WAC: variants seen among roughly 807,000 people sequenced by gnomAD.
The protein encoded by WAC is WW domain-containing adapter protein with coiled-coil.
In WAC, 11 loss-of-function variants were observed where a neutral mutation model predicts 79.6. The observed-to-expected ratio is 0.14, with a 90% CI of 0.09 to 0.23. The LOEUF is 0.23. Among genes scored for constraint, WAC ranks in the 10% least tolerant of loss-of-function variants. The probability of loss-of-function intolerance (pLI) is 1.00; values close to 1 mark genes in which losing one functional copy is unlikely to be tolerated. For missense variants in WAC, 728 were observed against 773.5 expected, an observed-to-expected ratio of 0.94 and a Z score of 0.70; for synonymous variants, 304 against 276.9, an observed-to-expected ratio of 1.10 and a Z score of -0.97.
intron 6 of WAC, chr10:28,591,107 C>T: frequency 3.0e-6 from 1 of 329,532 alleles, no homozygotes; most frequent in South Asian, 2.8e-5. Flanking sequence ...GATTGGTTTC[C>T]CCTGATCCCC....
intron 1 of WAC, 42 bp downstream of exon 1, chr10:28,533,662 CGGCGGCGGGGG>C (rs1251545988): frequency 6.8e-7 from 1 of 1,464,416 alleles, no homozygotes; most frequent in East Asian, 2.6e-5. Flanking sequence ...CGGCGGGGGG[CGGCGGCGGGGG>C]GGCTGTTCCT....
chr10:28,615,317 T>G (rs1322355886), intron 11 of WAC: 4 of 152,242 alleles, frequency 2.6e-5, no homozygotes, highest in Admixed American at 2.6e-4. Flanking sequence ...TATTGTTGTT[T>G]TCTAAACAAG....
rs12217564 is a variant in WAC at position 28,579,734 on chromosome 10, T to C, written c.275-3665T>C. Among the ~76,000 whole-genome samples, 555 of 152,282 alleles carry C rather than the reference T, an allele frequency of 3.6e-3. 19 individuals are homozygous for C. In the East Asian group the frequency reaches 0.041, roughly 11 times the overall value. On this transcript the variant is annotated intron_variant, in intron 3 of 13. Transcript: ENST00000354911. Reference sequence around the variant, plus strand: ...TGTATTACTTCAGTTTGGAAAGAGATACACGGAGAAAGTAAGAGGCTCAAA... The same window carrying C: ...TGTATTACTTCAGTTTGGAAAGAGACACACGGAGAAAGTAAGAGGCTCAAA...
chr10:28,565,634 C>A (rs922072828), intron 3 of WAC, among the ~76,000 whole-genome samples: 4 of 152,150 alleles, frequency 2.6e-5, no homozygotes, highest in African/African-American at 7.2e-5. Context: ...CTGTTTTTAT[C>A]TGTTGTCTTC....
intron 3 of WAC, among the ~76,000 whole-genome samples, chr10:28,549,472 G>C (rs1837544607): frequency 6.6e-6 from 1 of 152,072 alleles, no homozygotes; most frequent in Non-Finnish European, 1.5e-5. Flanking sequence ...GCTATTCCCT[G>C]TCCTGATTAA....
At chr10:28,617,105 C>T (rs565649520) in intron 12 of WAC, among the ~76,000 whole-genome samples, 1 of 152,104 alleles carries the variant, frequency 6.6e-6, no homozygotes. Context: ...AAAAACCCCA[C>T]TTAATTTTCT....
At position 28,609,128 on chromosome 10, in the gene WAC, G is replaced by A. The variant is rs116161386; in HGVS notation, c.1165+697G>A. 6.7e-3 allele frequency among the ~76,000 whole-genome samples: 1,024 copies of A among 152,296 alleles called. 11 individuals are homozygous for A. Among genetic ancestry groups the A allele is most frequent in the African/African-American group, 0.024 (989 of 41,550 alleles). On this transcript the variant is annotated intron_variant, in intron 8 of 13. Transcript: ENST00000354911. ...GTTGAAAATGATAAATTTTTAGGCC[G>A]AGGCGGGTGGATCACCTGAGGTCAG...
rs1282539110 is a variant in WAC, at chr10:28,557,493, C to A, written c.274+21736C>A. 3.9e-5 allele frequency among the ~76,000 whole-genome samples: 6 copies of A among 152,048 alleles called. No individual in the cohort carries two copies. The East Asian group carries it at 1.2e-3, about 30-fold the overall frequency. On this transcript the variant is annotated intron_variant, in intron 3 of 13. Coordinates refer to ENST00000354911, the MANE Select transcript of WAC (RefSeq NM_016628.5). ...GGAGGATCACCTGAAGTCAGGTGTT[C>A]AAGACCCACCTGAACATAGTGAGAC...
At chr10:28,540,972 ACG>A (rs755833326) in intron 3 of WAC, among the ~76,000 whole-genome samples, 4 of 152,120 alleles carry the variant, frequency 2.6e-5, no homozygotes, top group Admixed American at 6.5e-5. Context: ...CATTTGTCTT[ACG>A]CTTCTCATAA....
At chr10:28,591,315 G>A (rs1476998470) in intron 6 of WAC, 1 of 156,234 alleles carries the variant, frequency 6.4e-6, no homozygotes, top group Non-Finnish European at 1.4e-5. Flanking sequence ...ATTTCACCAT[G>A]ATCACAGATC....
chr10:28,579,861 A>T (rs962900379), intron 3 of WAC, among the ~76,000 whole-genome samples: 1 of 152,202 alleles, frequency 6.6e-6, no homozygotes, highest in East Asian at 1.9e-4. Flanking sequence ...TCAGGGGCAA[A>T]TCTGCACTAC....
At chr10:28,618,809 T>G (rs1841582893) in intron 13 of WAC, among the ~76,000 whole-genome samples, 1 of 152,240 alleles carries the variant, frequency 6.6e-6, no homozygotes, top group African/African-American at 2.4e-5. Flanking sequence ...AGAATTGCTC[T>G]TCTAAATGAT....
chr10:28,611,878 A>T lies in WAC; in HGVS notation c.1393A>T (p.Ile465Phe), dbSNP rs368043112. 6.2e-7 allele frequency: 1 copy of T among 1,614,174 alleles called. No homozygotes were observed. Among genetic ancestry groups the T allele is most frequent in the South Asian group, 1.1e-5 (1 of 91,090 alleles). ...ISTPQTNTVP[I>F]KPLISTPPVS... The stretch of plus-strand genomic sequence containing the variant: ...CACACCTCAAACTAACACAGTCCCT[A>T]TCAAACCTTTGATCAGTACTCCTCC... Residue 465 changes from isoleucine to phenylalanine, a missense_variant, in exon 10 of 14, where the codon ATC becomes TTC. By Grantham distance (21) the Ile-to-Phe change is conservative. Coordinates refer to ENST00000354911, the MANE Select transcript of WAC (RefSeq NM_016628.5).
At chr10:28,557,119 G>T (rs1838042280) in intron 3 of WAC, among the ~76,000 whole-genome samples, 1 of 151,808 alleles carries the variant, frequency 6.6e-6, no homozygotes, top group African/African-American at 2.4e-5. Context: ...ATAAGTCACG[G>T]TTATTTAAGT....
intron 7 of WAC, 87 bp downstream of exon 7, chr10:28,596,128 G>T (rs552736409): frequency 1.5e-6 from 2 of 1,361,680 alleles, no homozygotes; most frequent in African/African-American, 1.5e-5. Context: ...ATTTCCTTTG[G>T]CTCTGAATTA....
rs142449607 is a variant in WAC at position 28,537,429 on chromosome 10, T to C, written c.274+1672T>C. ...TTTATTTTGAAAAATTTGGTGATTG[T>C]AACAAAATAGGATATGGCACCTCAT... On this transcript the variant is annotated intron_variant, in intron 3 of 13. Transcript: ENST00000354911. Among the ~76,000 whole-genome samples, 5 of 152,334 alleles carry C rather than the reference T, an allele frequency of 3.3e-5. No individual in the cohort carries two copies. In the East Asian group the frequency reaches 9.6e-4, roughly 29 times the overall value.
chr10:28,535,826 A>G (rs1836629039), intron 3 of WAC, 69 bp downstream of exon 3: 2 of 1,319,220 alleles, frequency 1.5e-6, no homozygotes, highest in Non-Finnish European at 1.0e-6. Flanking sequence ...AGGCGGCAGT[A>G]GTATTTCTAG....
intron 10 of WAC, among the ~76,000 whole-genome samples, chr10:28,613,737 GC>G (rs1841352684): frequency 6.6e-6 from 1 of 152,170 alleles, no homozygotes; most frequent in African/African-American, 2.4e-5. Context: ...AAGAAAAACA[GC>G]AGTGAGGTGT....
intron 7 of WAC, among the ~76,000 whole-genome samples, chr10:28,599,230 A>G (rs1350278728): frequency 1.3e-5 from 2 of 152,194 alleles, no homozygotes; most frequent in Non-Finnish European, 2.9e-5. Flanking sequence ...TAAATAATTT[A>G]TATTAAGCGC....
Sources: allele counts gnomAD v4.1 joint callset (sites outside exome capture counted in the v4.1 genomes callset), GRCh38; gene constraint gnomAD v4.1.1; transcripts MANE v1.5; gene names NCBI Gene and HGNC (gene_info 2026-07-23, HGNC 2026-07-21).